ANKFN1: variants seen among roughly 807,000 people sequenced by gnomAD.
ANKFN1 encodes the protein ankyrin repeat and fibronectin type III domain containing 1.
A neutral mutation model predicts 108.7 loss-of-function variants in ANKFN1; 74 were observed. The observed-to-expected ratio is 0.68, with a 90% CI of 0.56 to 0.83. The LOEUF (loss-of-function observed/expected upper bound fraction) is 0.83. ANKFN1 is among the 40% of genes least tolerant of loss of function. ANKFN1 has a pLI of 0.00. For synonymous variants in ANKFN1, 547 were observed against 516.2 expected (o/e 1.06, Z -0.81); for missense variants, 1,505 against 1,382.3 (o/e 1.09, Z -1.41).
At chr17:56,129,230 T>C (rs566500732) in intron 4 of ANKFN1, among the ~76,000 whole-genome samples, 1 of 152,232 alleles carries the variant, frequency 6.6e-6, no homozygotes, top group South Asian at 2.1e-4. Context: ...GCCCTGACAA[T>C]TGGAGATGAC....
chr17:56,093,616 G>A (rs1451163522), intron 4 of ANKFN1, among the ~76,000 whole-genome samples: 1 of 151,382 alleles, frequency 6.6e-6, no homozygotes, highest in Non-Finnish European at 1.5e-5. Context: ...TCCAAGAAGT[G>A]CTACAACTTG....
chr17:56,418,674 G>C (rs1037850061), intron 8 of ANKFN1, among the ~76,000 whole-genome samples: 1 of 151,972 alleles, frequency 6.6e-6, no homozygotes, highest in African/African-American at 2.4e-5. Context: ...TGAGGAAACT[G>C]AGACCCAGAA....
chr17:56,191,815 A>G (rs1292203225), intron 1 of ANKFN1, among the ~76,000 whole-genome samples: 1 of 148,898 alleles, frequency 6.7e-6, no homozygotes, highest in Non-Finnish European at 1.5e-5. Flanking sequence ...GTGTTTTCCA[A>G]CTTGGTTCCA....
chr17:56,117,947 G>T (rs1180264661), intron 4 of ANKFN1, among the ~76,000 whole-genome samples: 1 of 152,040 alleles, frequency 6.6e-6, no homozygotes, highest in Non-Finnish European at 1.5e-5. Flanking sequence ...CTATAGGTTT[G>T]CCCATTCCAC....
intron 4 of ANKFN1, among the ~76,000 whole-genome samples, chr17:56,055,045 G>A (rs192542418): frequency 4.0e-5 from 6 of 151,584 alleles, no homozygotes; most frequent in Admixed American, 3.3e-4. Context: ...TGAGGTGACT[G>A]TGGCAATTTC....
At chr17:56,497,135 G>T (rs528291835) in intron 19 of ANKFN1, among the ~76,000 whole-genome samples, 78 of 152,238 alleles carry the variant, frequency 5.1e-4, no homozygotes, top group South Asian at 8.3e-4. Flanking sequence ...AGCTTATGTT[G>T]CATGAGGTAG....
At chr17:56,071,702 C>T (rs1025553016) in intron 4 of ANKFN1, among the ~76,000 whole-genome samples, 1 of 152,226 alleles carries the variant, frequency 6.6e-6, no homozygotes, top group African/African-American at 2.4e-5. Context: ...TGTAACTTCA[C>T]ACCTGTTCAA....
chr17:56,405,858 A>G (rs2041214512), intron 8 of ANKFN1, among the ~76,000 whole-genome samples: 1 of 152,192 alleles, frequency 6.6e-6, no homozygotes, highest in Admixed American at 6.6e-5. Context: ...GCTTGAATAT[A>G]CATAAACTCT....
chr17:56,194,229 T>C (rs575609153), intron 1 of ANKFN1, among the ~76,000 whole-genome samples: 1 of 152,338 alleles, frequency 6.6e-6, no homozygotes, highest in African/African-American at 2.4e-5. Flanking sequence ...CCGAACATAC[T>C]TTTGCTGTAC....
intron 3 of ANKFN1, among the ~76,000 whole-genome samples, chr17:56,314,810 C>A (rs535774809): frequency 4.6e-5 from 7 of 152,122 alleles, no homozygotes; most frequent in South Asian, 2.1e-4. Context: ...ACCTCAGGAC[C>A]TTTTAGATAA....
chr17:56,377,756 C>T (rs868082904), intron 8 of ANKFN1, among the ~76,000 whole-genome samples: 1 of 152,178 alleles, frequency 6.6e-6, no homozygotes, highest in South Asian at 2.1e-4. Flanking sequence ...TTTACTGCTC[C>T]TTGCAGGGTT....
chr17:56,092,437 G>A (rs1050158347), intron 4 of ANKFN1, among the ~76,000 whole-genome samples: 10 of 150,508 alleles, frequency 6.6e-5, no homozygotes, highest in African/African-American at 2.4e-4. Context: ...ACCACGCCCA[G>A]CTAATTTTTT....
chr17:56,280,240 A>G (rs74371881), intron 3 of ANKFN1, among the ~76,000 whole-genome samples: 3,708 of 152,092 alleles, frequency 0.024, 68 homozygotes, highest in African/African-American at 0.05. Context: ...GCTTTTTTCC[A>G]GAAGAGATTA....
intron 4 of ANKFN1, among the ~76,000 whole-genome samples, chr17:56,147,184 C>T (rs1052779348): frequency 2.8e-4 from 43 of 152,256 alleles, no homozygotes; most frequent in African/African-American, 9.4e-4. Context: ...TTGGTCAAGC[C>T]GTTCAACAAG....
intron 4 of ANKFN1, among the ~76,000 whole-genome samples, chr17:56,142,122 G>T (rs556697563): frequency 4.0e-5 from 6 of 151,850 alleles, no homozygotes; most frequent in Admixed American, 2.6e-4. Context: ...GTAGAGACAG[G>T]GTTTCATCAT....
chr17:56,354,207 C>A, intron 6 of ANKFN1, among the ~76,000 whole-genome samples, 161 bp downstream of exon 6: 1 of 152,122 alleles, frequency 6.6e-6, no homozygotes, highest in Admixed American at 6.6e-5. Flanking sequence ...ATAGTGACAG[C>A]ATTTATTGGT....
chr17:56,188,023 A>G (rs1912415102), intron 1 of ANKFN1, among the ~76,000 whole-genome samples: 1 of 152,218 alleles, frequency 6.6e-6, no homozygotes, highest in Non-Finnish European at 1.5e-5. Flanking sequence ...TGGCACTTGT[A>G]TACATATGTA....
chr17:56,326,425 A>G lies in ANKFN1; in HGVS notation c.188+70A>G, dbSNP rs2144537180. 3.3e-6 allele frequency: 5 copies of G among 1,529,924 alleles called. No homozygotes were observed. The South Asian group carries it at 3.9e-5, about 12-fold the overall frequency. 94.8% of individuals were successfully genotyped at this position (1,529,924 alleles called of 1,614,324 possible). ...TTTCTTAATTACTGATTATTTTTAA[A>G]TGTGTATATGTTGCTGTGGCTTAAA... On this transcript the variant is annotated intron_variant, in intron 4 of 20. Transcript: ENST00000682825.
At chr17:56,087,735 C>T (rs1198017975) in intron 4 of ANKFN1, among the ~76,000 whole-genome samples, 3 of 151,268 alleles carry the variant, frequency 2.0e-5, no homozygotes. Context: ...AGACAACTGC[C>T]TGTTTTTATA....
Sources: gnomAD v4.1 joint callset for allele counts (sites outside exome capture counted in the v4.1 genomes callset) on GRCh38, gnomAD v4.1.1 for gene constraint, MANE v1.5 for transcripts, NCBI Gene and HGNC (gene_info 2026-07-23, HGNC 2026-07-21) for gene names.